Variants in CCDC157 observed in about 807,000 individuals in gnomAD.
CCDC157 encodes the protein coiled-coil domain-containing protein 157.
Under a neutral mutation model 70.9 loss-of-function variants are expected in CCDC157, and 60 were observed. That is an observed-to-expected ratio of 0.85 (90% confidence interval 0.69 to 1.05). CCDC157 has a LOEUF of 1.05. CCDC157 is among the 50% of genes least tolerant of loss of function. CCDC157 has a pLI of 0.00. For missense variants in CCDC157, 943 were observed against 984.2 expected (o/e 0.96, Z 0.56); for synonymous variants, 373 against 422.4 (o/e 0.88, Z 1.43).
chr22:30,362,546 G>A (rs1431056978), intron 2 of CCDC157, among the ~76,000 whole-genome samples: 1 of 152,192 alleles, frequency 6.6e-6, no homozygotes, highest in Non-Finnish European at 1.5e-5. Flanking sequence ...TCTTAGTGCT[G>A]TAGAAAGAGA....
rs570827416 is a variant in CCDC157 at position 30,370,913 on chromosome 22, G to A, written c.1008G>A (p.Leu336=). ...RRQAEEDEQC[L]SEWEHDKQQL... ...AGGCGGAGGAGGATGAGCAGTGCCT[G>A]TCTGAGTGGGAGCACGACAAACAGC... Residue 336 remains leucine (L), a synonymous_variant, in exon 5 of 12, where the codon CTG becomes CTA. Transcript: ENST00000338306. The A allele has an allele frequency of 1.9e-6, 3 of 1,610,594 alleles. No individual in the cohort carries two copies. Among genetic ancestry groups the A allele is most frequent in the Non-Finnish European group, 2.5e-6 (3 of 1,179,740 alleles).
chr22:30,375,723 C>T, intron 10 of CCDC157, 60 bp downstream of exon 10: 1 of 1,452,466 alleles, frequency 6.9e-7, no homozygotes. Flanking sequence ...AGCAGCAGGT[C>T]TTCAGACTCT....
intron 8 of CCDC157, 72 bp from the exon 9 acceptor site, chr22:30,373,851 G>A: frequency 6.5e-7 from 1 of 1,543,134 alleles, no homozygotes; most frequent in Non-Finnish European, 8.8e-7. Flanking sequence ...TCTTGGGTAG[G>A]GACGGTGCCC....
intron 9 of CCDC157, chr22:30,374,412 C>G (rs980444844): frequency 5.8e-5 from 31 of 531,632 alleles, no homozygotes; most frequent in South Asian, 2.6e-4. Context: ...TGCTCGACTT[C>G]TGTGTGTCCC....
chr22:30,369,702 C>G (rs1315552093), intron 4 of CCDC157, 99 bp downstream of exon 4: 1 of 971,852 alleles, frequency 1.0e-6, no homozygotes, highest in Non-Finnish European at 1.4e-6. Context: ...TCCTAGCCTA[C>G]CACTATGTGC....
chr22:30,357,358 A>C (rs1206426196), intron 1 of CCDC157, among the ~76,000 whole-genome samples: 1 of 151,944 alleles, frequency 6.6e-6, no homozygotes. Context: ...ACATCCTCCA[A>C]GCCCCGCTTC....
chr22:30,370,216 G>C, intron 4 of CCDC157, 110 bp from the exon 5 acceptor site: 1 of 1,205,650 alleles, frequency 8.3e-7, no homozygotes, highest in Middle Eastern at 2.6e-4. Flanking sequence ...TTGAGGGTCT[G>C]AGTGTCAGGC....
intron 3 of CCDC157, chr22:30,366,582 G>T: frequency 2.6e-6 from 1 of 380,034 alleles, no homozygotes; most frequent in Non-Finnish European, 5.2e-6. Context: ...CTATGTTGGG[G>T]ACCCCATAGT....
chr22:30,356,693 C>T (rs898907798), upstream of CCDC157: 23 of 1,440,448 alleles, frequency 1.6e-5, no homozygotes, highest in Non-Finnish European at 1.8e-5. Context: ...CCCAGGCCAA[C>T]CCTCCGGCTG....
rs925952599 is a variant in CCDC157 at position 30,373,430 on chromosome 22, C to T, written c.1336-167C>T. 15 of 723,334 alleles carry T rather than the reference C, an allele frequency of 2.1e-5. No individual in the cohort carries two copies. The African/African-American group carries it at 2.5e-4, about 12-fold the overall frequency. 44.8% of individuals were successfully genotyped at this position (723,334 alleles called of 1,614,324 possible). A position where few individuals can be genotyped will look rare whatever the true frequency, so the allele number is the denominator to read the frequency against. On this transcript the variant is annotated intron_variant, in intron 7 of 11. Transcript: ENST00000338306. Reference sequence around the variant, plus strand: ...TGCATCTGCCTGCTGCCAGCTTCCCCCGACCCCTACCCTTCCACGCATGTG... The same window carrying T: ...TGCATCTGCCTGCTGCCAGCTTCCCTCGACCCCTACCCTTCCACGCATGTG...
In CCDC157 at chr22:30,373,937, C is replaced by T. The variant is rs1391309116; in HGVS notation, c.1518C>T (p.Ser506=). 5.0e-6 allele frequency: 8 copies of T among 1,611,036 alleles called. No homozygotes were observed. The highest frequency in any genetic ancestry group is 1.3e-5 in the African/African-American group (1 of 75,020). The change falls in exon 9 of 12, where the codon AGC becomes AGT. Residue 506 remains serine, a synonymous_variant. Transcript: ENST00000338306. ...GTCTGTCCCAGGAGCTGCTGCAGAG[C>T]CTGCAGAGGGAGAAGCAAGGCCTGG... ...QLRAQQELLQ[S]LQREKQGLEQ...
At chr22:30,363,561 G>A in intron 2 of CCDC157, among the ~76,000 whole-genome samples, 1 of 151,936 alleles carries the variant, frequency 6.6e-6, no homozygotes, top group East Asian at 1.9e-4. Flanking sequence ...GGGCAGGGCT[G>A]GGATTCTCTG....
chr22:30,375,389 CCTGGTGCA>C, intron 9 of CCDC157, 82 bp from the exon 10 acceptor site: 1 of 1,211,360 alleles, frequency 8.3e-7, no homozygotes, highest in Non-Finnish European at 1.2e-6. Flanking sequence ...AGCTAGGAGG[CCTGGTGCA>C]CTACACAGCT....
At chr22:30,367,302 C>T (rs1932771260) in intron 3 of CCDC157, among the ~76,000 whole-genome samples, 1 of 149,966 alleles carries the variant, frequency 6.7e-6, no homozygotes. Context: ...GTGGTGTGAT[C>T]TCAGCTCACT....
chr22:30,368,340 C>T (rs571823393), intron 3 of CCDC157, among the ~76,000 whole-genome samples: 44 of 152,348 alleles, frequency 2.9e-4, no homozygotes, highest in African/African-American at 8.9e-4. Flanking sequence ...TTTACCCAGC[C>T]GCTTCTCTGT....
In CCDC157 at chr22:30,376,366, G is replaced by C. The variant is rs781537360; in HGVS notation, c.1946+19G>C. 6.2e-7 allele frequency: 1 copy of C among 1,613,940 alleles called. No individual in the cohort carries two copies. Among genetic ancestry groups the C allele is most frequent in the Non-Finnish European group, 8.5e-7 (1 of 1,179,906 alleles). On this transcript the variant is annotated intron_variant, in intron 11 of 11. Coordinates refer to ENST00000338306, the MANE Select transcript of CCDC157 (RefSeq NM_001017437.5). ...CCCCAGGGTGAGTGAGGCTTTACTG[G>C]AGGTGGGGCAGGTGAGTGGAGTGTT...
At chr22:30,356,872 G>T, upstream of CCDC157, 6 of 1,175,818 alleles carry the variant, frequency 5.1e-6, no homozygotes, top group Non-Finnish European at 6.5e-6. Context: ...CGCTCGGTCA[G>T]TACGACGAGC....
intron 2 of CCDC157, 121 bp from the exon 3 acceptor site, chr22:30,365,869 C>T: frequency 2.0e-6 from 2 of 998,172 alleles, no homozygotes; most frequent in Non-Finnish European, 2.9e-6. Context: ...ACAGACTTCT[C>T]CCCAGGGTCT....
rs1439811677 is a variant in CCDC157 at position 30,376,675 on chromosome 22, TGAGA to T, written c.2190_2193del (p.Lys732AspfsTer55). 6.2e-7 allele frequency: 1 copy of T among 1,613,618 alleles called. No homozygotes were observed. The highest frequency in any genetic ancestry group is 2.2e-5 in the East Asian group (1 of 44,858). Reference sequence around the variant, plus strand: ...AACCCCATCAAGGTCTTGGTCAGGCTGAGAAAGAGACTGTCACCTGGCCGGGGAC... The same window carrying T: ...AACCCCATCAAGGTCTTGGTCAGGCTAAGAGACTGTCACCTGGCCGGGGAC... On this transcript the variant is annotated frameshift_variant, in exon 12 of 12. Coordinates refer to ENST00000338306, the MANE Select transcript of CCDC157 (RefSeq NM_001017437.5). LOFTEE classifies it high-confidence loss of function.
Sources: gnomAD v4.1 joint callset for allele counts (sites outside exome capture counted in the v4.1 genomes callset) on GRCh38, gnomAD v4.1.1 for gene constraint, MANE v1.5 for transcripts, NCBI Gene and HGNC (gene_info 2026-07-23, HGNC 2026-07-21) for gene names.